The following PRKN variants were observed in gnomAD, a reference collection of about 807,000 sequenced individuals.
PRKN encodes E3 ubiquitin-protein ligase parkin.
In PRKN, 56 loss-of-function variants were observed where a neutral mutation model predicts 59.5. The observed-to-expected ratio is 0.94, with a 90% confidence interval of 0.76 to 1.18. The LOEUF (loss-of-function observed/expected upper bound fraction) is 1.18. Among genes scored for constraint, PRKN ranks in the 50% most tolerant of loss-of-function variants. PRKN has a pLI of 0.00. For missense variants in PRKN, 657 were observed against 596.4 expected, an observed-to-expected ratio of 1.10 and a Z score of -1.06; for synonymous variants, 250 against 222.1, an observed-to-expected ratio of 1.13 and a Z score of -1.12.
At chr6:162,523,995 G>A (rs1354097864) in intron 1 of PRKN, among the ~76,000 whole-genome samples, 2 of 152,156 alleles carry the variant, frequency 1.3e-5, no homozygotes, top group Non-Finnish European at 2.9e-5. Context: ...CTTTGCTGGT[G>A]ACCTTGGAGA....
intron 7 of PRKN, among the ~76,000 whole-genome samples, chr6:161,661,478 C>T (rs994596974): frequency 3.9e-5 from 6 of 152,150 alleles, no homozygotes; most frequent in Admixed American, 2.6e-4. Flanking sequence ...ACCACAGAGG[C>T]CTTCCCTGAC....
intron 1 of PRKN, among the ~76,000 whole-genome samples, chr6:162,616,773 C>T (rs1382405286): frequency 6.6e-6 from 1 of 152,138 alleles, no homozygotes; most frequent in Non-Finnish European, 1.5e-5. Flanking sequence ...CATTATGTAA[C>T]AGTACTTTTC....
At chr6:161,935,428 C>A (rs975155894) in intron 6 of PRKN, among the ~76,000 whole-genome samples, 1 of 151,812 alleles carries the variant, frequency 6.6e-6, no homozygotes, top group Non-Finnish European at 1.5e-5. Flanking sequence ...GTGGTATGTA[C>A]CTGTAATCCC....
chr6:161,631,772 AAC>A (rs147449873), intron 7 of PRKN, among the ~76,000 whole-genome samples: 1,960 of 150,426 alleles, frequency 0.013, 42 homozygotes, highest in African/African-American at 0.045. Context: ...CACCCAGACA[AAC>A]ACACACACAC....
At chr6:162,316,280 T>G (rs1341557372) in intron 2 of PRKN, among the ~76,000 whole-genome samples, 1 of 151,570 alleles carries the variant, frequency 6.6e-6, no homozygotes, top group Non-Finnish European at 1.5e-5. Context: ...CCGGATGTGA[T>G]AGAGTCCCAG....
At chr6:161,876,264 T>C (rs1476088232) in intron 6 of PRKN, among the ~76,000 whole-genome samples, 5 of 152,196 alleles carry the variant, frequency 3.3e-5, no homozygotes, top group Admixed American at 2.6e-4. Context: ...TTTGAGATTA[T>C]TGTCTTTCCA....
At position 161,686,787 on chromosome 6, in the gene PRKN, A is replaced by G. The variant is rs564399231; in HGVS notation, c.871+98985T>C. Among the ~76,000 whole-genome samples the G allele has an allele frequency of 3.3e-4, 50 of 152,204 alleles. No individual in the cohort carries two copies. In the South Asian group the frequency reaches 0.01, roughly 31 times the overall value. ...CACACTTAGCCCAGACTCCCTATTCAAAGCAAACCACAGCCATCTCCTTAG... is the reference window on the plus strand; with the variant it reads ...CACACTTAGCCCAGACTCCCTATTCGAAGCAAACCACAGCCATCTCCTTAG... On this transcript the variant is annotated intron_variant, in intron 7 of 11. Coordinates refer to ENST00000366898, the MANE Select transcript of PRKN (RefSeq NM_004562.3).
chr6:162,631,041 T>C (rs530050995), intron 1 of PRKN, among the ~76,000 whole-genome samples: 10 of 152,274 alleles, frequency 6.6e-5, no homozygotes, highest in African/African-American at 2.4e-4. Context: ...TCTCATCTTT[T>C]CCAAAGCTTC....
chr6:161,438,215 A>ATTTTTTTTTTTT, intron 9 of PRKN, among the ~76,000 whole-genome samples: 1 of 112,440 alleles, frequency 8.9e-6, no homozygotes, highest in Non-Finnish European at 1.7e-5. Flanking sequence ...AATTCTGTTA[A>ATTTTTTTTTTTT]TTTTTTTTTT....
chr6:162,006,217 A>G (rs1337470011), intron 5 of PRKN, among the ~76,000 whole-genome samples: 2 of 152,230 alleles, frequency 1.3e-5, no homozygotes, highest in African/African-American at 4.8e-5. Flanking sequence ...GCGTTTGTTG[A>G]TTAAACGACT....
chr6:162,530,368 C>A (rs1431870914), intron 1 of PRKN, among the ~76,000 whole-genome samples: 3 of 151,962 alleles, frequency 2.0e-5, no homozygotes, highest in Non-Finnish European at 4.4e-5. Context: ...AGAACTGCCG[C>A]TTAATGGCTC....
chr6:162,690,669 G>T (rs1430259172), intron 1 of PRKN, among the ~76,000 whole-genome samples: 3 of 152,060 alleles, frequency 2.0e-5, no homozygotes, highest in Non-Finnish European at 2.9e-5. Context: ...GAGTTAAGAG[G>T]TCAAAAAGAG....
At chr6:162,619,646 T>C (rs1782574315) in intron 1 of PRKN, among the ~76,000 whole-genome samples, 1 of 152,250 alleles carries the variant, frequency 6.6e-6, no homozygotes, top group African/African-American at 2.4e-5. Context: ...TACTTACAAA[T>C]ATAACAGTTG....
In PRKN at chr6:161,428,209, T is replaced by G. The variant is rs1183696757; in HGVS notation, c.1084-41332A>C. On this transcript the variant is annotated intron_variant, in intron 9 of 11. Coordinates refer to ENST00000366898, the MANE Select transcript of PRKN (RefSeq NM_004562.3). This position sits in a 1 kb window ranked among gnomAD's most constrained non-coding sequence, Gnocchi z 4.0. ...CAACTTCTTTCTTCTACTCACATTC[T>G]GAATGAAATACATTAATAACTGGCT... 6.6e-6 allele frequency among the ~76,000 whole-genome samples: 1 copy of G among 152,210 alleles called. No homozygotes were observed. Among genetic ancestry groups the G allele is most frequent in the Non-Finnish European group, 1.5e-5 (1 of 68,050 alleles).
chr6:161,948,720 C>T (rs563612862), intron 6 of PRKN, among the ~76,000 whole-genome samples: 1 of 152,254 alleles, frequency 6.6e-6, no homozygotes, highest in African/African-American at 2.4e-5. Context: ...AGATTTGGAA[C>T]TTGCTTAGGA....
At position 161,596,198 on chromosome 6, in the gene PRKN, G is replaced by A. The variant is rs543229117; in HGVS notation, c.872-26782C>T. Among the ~76,000 whole-genome samples the A allele has an allele frequency of 8.5e-5, 13 of 152,162 alleles. No homozygotes were observed. In the South Asian group the frequency reaches 2.7e-3, roughly 32 times the overall value. On this transcript the variant is annotated intron_variant, in intron 7 of 11. Transcript: ENST00000366898. ...GTTCCCCTTGAGCATGAGGCAGAACGCAACTGCCTTTGCTTATTTTATCTA... is the reference window on the plus strand; with the variant it reads ...GTTCCCCTTGAGCATGAGGCAGAACACAACTGCCTTTGCTTATTTTATCTA...
chr6:162,166,177 C>T (rs1782981947), intron 4 of PRKN, among the ~76,000 whole-genome samples: 2 of 152,030 alleles, frequency 1.3e-5, no homozygotes, highest in Non-Finnish European at 2.9e-5. Flanking sequence ...GCCCAGGTGT[C>T]CCTCTACAGT....
intron 5 of PRKN, among the ~76,000 whole-genome samples, chr6:162,013,811 CTT>C (rs1305811900): frequency 6.6e-6 from 1 of 152,080 alleles, no homozygotes; most frequent in Admixed American, 6.5e-5. Context: ...TGAGTTCTGA[CTT>C]TATGCTAAAA....
rs573439507 is a variant in PRKN, at chr6:161,498,254, T to C, written c.1083+50600A>G. Among the ~76,000 whole-genome samples the C allele has an allele frequency of 6.6e-6, 1 of 152,346 alleles. No homozygotes were observed. Among genetic ancestry groups the C allele is most frequent in the East Asian group, 1.9e-4 (1 of 5,194 alleles). ...CAAATCAGTATCATGTTATAGAGTGTATTAATTAATAAATGGAATATTTAG... is the reference window on the plus strand; with the variant it reads ...CAAATCAGTATCATGTTATAGAGTGCATTAATTAATAAATGGAATATTTAG... On this transcript the variant is annotated intron_variant, in intron 9 of 11. Transcript: ENST00000366898. The surrounding 1 kb of genome is among the most constrained non-coding windows in gnomAD (Gnocchi z 4.2).
Sources: gnomAD v4.1 joint callset for allele counts (sites outside exome capture counted in the v4.1 genomes callset) on GRCh38, gnomAD v4.1.1 for gene constraint, Gnocchi (gnomAD v3.1) non-coding constraint, MANE v1.5 for transcripts, NCBI Gene and HGNC (gene_info 2026-07-23, HGNC 2026-07-21) for gene names.